SLC35F3: variants seen among roughly 807,000 people sequenced by gnomAD.
The protein encoded by SLC35F3 is solute carrier family 35 member F3.
SLC35F3 carries 25 observed loss-of-function variants against 49.9 expected under a neutral mutation model. The observed-to-expected ratio is 0.50, with a 90% CI of 0.37 to 0.70. The LOEUF (loss-of-function observed/expected upper bound fraction) is 0.70. Among genes scored for constraint, SLC35F3 ranks in the 30% least tolerant of loss-of-function variants. The pLI, the probability that SLC35F3 is intolerant of heterozygous loss-of-function variation, is 0.00. For missense variants in SLC35F3, 525 were observed against 639.8 expected (o/e 0.82, Z 1.94); for synonymous variants, 275 against 265.4 (o/e 1.04, Z -0.35).
At chr1:234,247,124 A>T (rs1667644423) in intron 3 of SLC35F3, among the ~76,000 whole-genome samples, 1 of 152,254 alleles carries the variant, frequency 6.6e-6, no homozygotes, top group Non-Finnish European at 1.5e-5. Context: ...AAATAGTTCC[A>T]AGCCCAAGTT....
intron 2 of SLC35F3, among the ~76,000 whole-genome samples, chr1:233,980,356 A>G (rs879222261): frequency 6.6e-6 from 1 of 152,142 alleles, no homozygotes; most frequent in East Asian, 1.9e-4. Flanking sequence ...ATGGCCCATA[A>G]AAAGCCCAGG....
chr1:234,118,364 A>G (rs1665524056), intron 2 of SLC35F3, among the ~76,000 whole-genome samples: 1 of 152,150 alleles, frequency 6.6e-6, no homozygotes, highest in Non-Finnish European at 1.5e-5. Context: ...ATCTCCATTG[A>G]CACACAACCC....
chr1:234,076,472 T>A (rs1285386677), intron 2 of SLC35F3, among the ~76,000 whole-genome samples: 1 of 151,782 alleles, frequency 6.6e-6, no homozygotes, highest in Non-Finnish European at 1.5e-5. Context: ...TAATTTTTTT[T>A]TTTTTTGGAG....
At chr1:234,033,843 T>C (rs914533852) in intron 2 of SLC35F3, among the ~76,000 whole-genome samples, 1 of 152,214 alleles carries the variant, frequency 6.6e-6, no homozygotes, top group Non-Finnish European at 1.5e-5. Context: ...ATGTGGACAC[T>C]TTTTTGGTTC....
intron 3 of SLC35F3, among the ~76,000 whole-genome samples, chr1:234,249,135 G>A (rs1667696759): frequency 6.6e-6 from 1 of 152,170 alleles, no homozygotes; most frequent in Non-Finnish European, 1.5e-5. Context: ...ATCCTCCTGG[G>A]AGTGGCAGGG....
At chr1:233,969,320 C>T (rs936615078) in intron 2 of SLC35F3, among the ~76,000 whole-genome samples, 24 of 152,172 alleles carry the variant, frequency 1.6e-4, no homozygotes, top group Admixed American at 1.3e-4. Context: ...GCCGCGTGTG[C>T]GGTCATGATG....
At chr1:234,175,685 AAG>A (rs1046949985) in intron 2 of SLC35F3, among the ~76,000 whole-genome samples, 1 of 137,120 alleles carries the variant, frequency 7.3e-6, no homozygotes, top group African/African-American at 2.5e-5. Context: ...AAAAAAAAGG[AAG>A]AGAGTCTAGA....
intron 2 of SLC35F3, among the ~76,000 whole-genome samples, chr1:234,022,679 C>A (rs1173532378): frequency 6.6e-6 from 1 of 152,136 alleles, no homozygotes; most frequent in African/African-American, 2.4e-5. Flanking sequence ...AGGGCCCCTC[C>A]CTAGGAGTCT....
Position 234,128,555 on chromosome 1 carries a change from A to G in SLC35F3, c.284-102862A>G, listed in dbSNP as rs1665683802. On this transcript the variant is annotated intron_variant, in intron 2 of 7. Transcript: ENST00000366618. ...GAGTGCTGAGAACTGGAAATGAGCA[A>G]AAGCAGCATCAGAGACATAGCTGAG... is the stretch of plus-strand genomic sequence containing the variant. Among the ~76,000 whole-genome samples the G allele has an allele frequency of 2.0e-5, 3 of 152,214 alleles. No individual in the cohort carries two copies. In the South Asian group the frequency reaches 6.2e-4, roughly 31 times the overall value.
At chr1:234,169,253 CTCA>C (rs1469280351) in intron 2 of SLC35F3, among the ~76,000 whole-genome samples, 1 of 152,220 alleles carries the variant, frequency 6.6e-6, no homozygotes, top group Non-Finnish European at 1.5e-5. Context: ...GTTTGAAATG[CTCA>C]TCTTTTCCAG....
chr1:233,916,527 C>T (rs1187167973), intron 2 of SLC35F3, among the ~76,000 whole-genome samples: 1 of 152,242 alleles, frequency 6.6e-6, no homozygotes, highest in Non-Finnish European at 1.5e-5. Flanking sequence ...TCACTTTAGC[C>T]TTCCAAAGTA....
At chr1:234,078,054 T>C (rs76373228) in intron 2 of SLC35F3, among the ~76,000 whole-genome samples, 3,251 of 152,276 alleles carry the variant, frequency 0.021, 116 homozygotes, top group African/African-American at 0.074. Flanking sequence ...GTCCTCCAAC[T>C]AAGGCCAGTC....
chr1:234,230,289 A>G (rs1667346745), intron 2 of SLC35F3, among the ~76,000 whole-genome samples: 1 of 152,226 alleles, frequency 6.6e-6, no homozygotes, highest in Non-Finnish European at 1.5e-5. Flanking sequence ...ATAGACTCAT[A>G]ATGCTTCAGA....
intron 2 of SLC35F3, among the ~76,000 whole-genome samples, chr1:233,980,581 C>T (rs1663167053): frequency 6.6e-6 from 1 of 152,178 alleles, no homozygotes; most frequent in African/African-American, 2.4e-5. Context: ...TGGGAGAAGG[C>T]AAGGTGCGTG....
intron 2 of SLC35F3, among the ~76,000 whole-genome samples, chr1:233,940,357 C>A (rs531288599): frequency 8.4e-6 from 1 of 119,648 alleles, no homozygotes; most frequent in African/African-American, 3.3e-5. Flanking sequence ...TACAGACACA[C>A]ACACACACAC....
At position 234,318,786 on chromosome 1, in the gene SLC35F3, T is replaced by C; in HGVS notation, c.990T>C (p.Phe330=). 6.2e-7 allele frequency: 1 copy of C among 1,614,198 alleles called. No homozygotes were observed. The highest frequency in any genetic ancestry group is 8.5e-7 in the Non-Finnish European group (1 of 1,180,012). ...LFKLLLGSAK[F]GEAALFLSIL... ...AGCTCCTCCTGGGCAGTGCTAAGTT[T>C]GGAGAAGCCGCCTTATTTTTGTCCA... is the stretch of plus-strand genomic sequence containing the variant. The change falls in exon 6 of 8, where the codon TTT becomes TTC. Residue 330 remains phenylalanine (F), a synonymous_variant. Transcript: ENST00000366618.
rs556177680 is a variant in SLC35F3, at chr1:234,086,907, G to A, written c.284-144510G>A. ...CTTATCGTCCCTGCCTTGACAACATGTGAATAAATTTCTGACAGGCGTTAG... is the reference window on the plus strand; with the variant it reads ...CTTATCGTCCCTGCCTTGACAACATATGAATAAATTTCTGACAGGCGTTAG... On this transcript the variant is annotated intron_variant, in intron 2 of 7. Coordinates refer to ENST00000366618, the MANE Select transcript of SLC35F3 (RefSeq NM_173508.4). Among the ~76,000 whole-genome samples the A allele has an allele frequency of 2.0e-5, 3 of 152,308 alleles. No individual in the cohort carries two copies. The South Asian group carries it at 6.2e-4, about 32-fold the overall frequency.
At chr1:233,974,346 G>A (rs1030929435) in intron 2 of SLC35F3, among the ~76,000 whole-genome samples, 4 of 151,486 alleles carry the variant, frequency 2.6e-5, no homozygotes, top group Admixed American at 6.6e-5. Flanking sequence ...CACCACCCTC[G>A]GCAGATTTTG....
chr1:234,058,376 AC>A (rs1174031603), intron 2 of SLC35F3, among the ~76,000 whole-genome samples: 1 of 107,070 alleles, frequency 9.3e-6, no homozygotes, highest in Non-Finnish European at 1.7e-5. Flanking sequence ...ACAGGGTCTC[AC>A]CCTGTTGCCC....
Sources: gnomAD v4.1 joint callset for allele counts (sites outside exome capture counted in the v4.1 genomes callset) on GRCh38, gnomAD v4.1.1 for gene constraint, MANE v1.5 for transcripts, NCBI Gene and HGNC (gene_info 2026-07-23, HGNC 2026-07-21) for gene names.